The following NR3C1 variants were observed in gnomAD, a reference collection of about 807,000 sequenced individuals.
NR3C1 encodes nuclear receptor subfamily 3 group C member 1.
Under a neutral mutation model 74.0 loss-of-function variants are expected in NR3C1, and 14 were observed. The ratio of observed to expected loss-of-function variants is 0.19; its 90% confidence interval spans 0.12 to 0.30. The LOEUF (loss-of-function observed/expected upper bound fraction) is 0.30. Ranked by LOEUF, NR3C1 falls within the 10% of genes least tolerant of loss-of-function variation. The probability of loss-of-function intolerance (pLI) is 1.00; values close to 1 mark genes in which losing one functional copy is unlikely to be tolerated. For missense variants in NR3C1, 695 were observed against 909.8 expected, an observed-to-expected ratio of 0.76 and a Z score of 3.04; for synonymous variants, 308 against 332.5, an observed-to-expected ratio of 0.93 and a Z score of 0.80.
intron 2 of NR3C1, among the ~76,000 whole-genome samples, chr5:143,365,208 T>G (rs1414869835): frequency 6.6e-6 from 1 of 152,158 alleles, no homozygotes; most frequent in Non-Finnish European, 1.5e-5. Flanking sequence ...AGAAGTAATC[T>G]TCCTCATCAA....
At chr5:143,354,464 T>C (rs1174833502) in intron 2 of NR3C1, among the ~76,000 whole-genome samples, 1 of 152,128 alleles carries the variant, frequency 6.6e-6, no homozygotes, top group Non-Finnish European at 1.5e-5. Context: ...GAGGCCACTG[T>C]AGGGTTATTA....
intron 1 of NR3C1, among the ~76,000 whole-genome samples, chr5:143,421,999 T>C (rs72802809): frequency 0.18 from 27,055 of 152,018 alleles, 2,618 homozygotes; most frequent in Middle Eastern, 0.35. Flanking sequence ...GTGGCTGAAG[T>C]GGTGTTCACT....
chr5:143,394,929 C>A (rs1379099058), intron 2 of NR3C1, among the ~76,000 whole-genome samples: 1 of 151,932 alleles, frequency 6.6e-6, no homozygotes, highest in Non-Finnish European at 1.5e-5. Flanking sequence ...TCACCCTCCA[C>A]CCCCAATTAA....
intron 2 of NR3C1, among the ~76,000 whole-genome samples, chr5:143,368,754 G>T (rs1304732968): frequency 6.6e-6 from 1 of 152,128 alleles, no homozygotes; most frequent in African/African-American, 2.4e-5. Flanking sequence ...TGGTGTCTTA[G>T]TCTGTGTTCT....
Position 143,328,447 on chromosome 5 carries a change from T to C in NR3C1, c.1185-14279A>G, listed in dbSNP as rs372771280. Among the ~76,000 whole-genome samples the C allele has an allele frequency of 2.6e-5, 4 of 152,240 alleles. No individual in the cohort carries two copies. The South Asian group carries it at 8.3e-4, about 31-fold the overall frequency. ...CTTGTTACTTATTACTTATTACTTT[T>C]TACTTATTATTACTTATTACTCCTT... On this transcript the variant is annotated intron_variant, in intron 2 of 8. Transcript: ENST00000394464.
Position 143,295,407 on chromosome 5 carries a change from T to C in NR3C1, c.2023+53A>G, listed in dbSNP as rs1483456031. ...ATGTATATAAATTAACCTTTGTTTC[T>C]AGGCCTTCATATTTCATGCTTTTGA... is the stretch of plus-strand genomic sequence containing the variant. On this transcript the variant is annotated intron_variant, in intron 7 of 8. Coordinates refer to ENST00000394464, the MANE Select transcript of NR3C1 (RefSeq NM_000176.3). 1.9e-6 allele frequency: 3 copies of C among 1,603,712 alleles called. No individual in the cohort carries two copies. In the South Asian group the frequency reaches 3.3e-5, roughly 18 times the overall value.
chr5:143,382,707 G>A lies in NR3C1; in HGVS notation c.1184+16949C>T, dbSNP rs189616109. On this transcript the variant is annotated intron_variant, in intron 2 of 8. Coordinates refer to ENST00000394464, the MANE Select transcript of NR3C1 (RefSeq NM_000176.3). ...AATACTGGACCTAGTTTCCTCATAT[G>A]AAGTGAGATCTGGATATCAAAACTA... Among the ~76,000 whole-genome samples, 32 of 152,338 alleles carry A rather than the reference G, an allele frequency of 2.1e-4. No homozygotes were observed. The East Asian group carries it at 6.0e-3, about 28-fold the overall frequency.
intron 7 of NR3C1, among the ~76,000 whole-genome samples, chr5:143,282,977 C>T (rs901257342): frequency 1.3e-5 from 2 of 151,936 alleles, no homozygotes; most frequent in East Asian, 3.9e-4. Flanking sequence ...GCCTTGACCT[C>T]CTTGGCTCAA....
At chr5:143,389,565 A>G (rs1837875876) in intron 2 of NR3C1, among the ~76,000 whole-genome samples, 1 of 152,166 alleles carries the variant, frequency 6.6e-6, no homozygotes, top group Non-Finnish European at 1.5e-5. Context: ...TCTTGTTTAA[A>G]CATGTCTGTG....
intron 1 of NR3C1, chr5:143,402,844 G>C (rs2151947086): frequency 1.0e-5 from 10 of 984,802 alleles, no homozygotes; most frequent in Non-Finnish European, 1.2e-5. Flanking sequence ...CCACGAAAAC[G>C]GGTGTCGGGC....
At chr5:143,430,392 A>T (rs1419130636) in intron 1 of NR3C1, among the ~76,000 whole-genome samples, 1 of 152,184 alleles carries the variant, frequency 6.6e-6, no homozygotes, top group Non-Finnish European at 1.5e-5. Flanking sequence ...ATTTTTCTGT[A>T]CTTTTTTACT....
chr5:143,369,466 G>A (rs1561691518), intron 2 of NR3C1, among the ~76,000 whole-genome samples: 1 of 152,120 alleles, frequency 6.6e-6, no homozygotes, highest in Non-Finnish European at 1.5e-5. Flanking sequence ...GCTAAGGAGT[G>A]GATAGACAAA....
chr5:143,422,621 G>A (rs1751295037), intron 1 of NR3C1, among the ~76,000 whole-genome samples: 1 of 152,142 alleles, frequency 6.6e-6, no homozygotes, highest in Non-Finnish European at 1.5e-5. Context: ...CACCATGTGA[G>A]GACAAAGCAA....
intron 2 of NR3C1, among the ~76,000 whole-genome samples, chr5:143,320,107 G>C (rs1047081050): frequency 6.6e-6 from 1 of 152,102 alleles, no homozygotes; most frequent in African/African-American, 2.4e-5. Context: ...GCACACACCA[G>C]GTGATTATAT....
chr5:143,307,724 A>G (rs1471741005), intron 4 of NR3C1, among the ~76,000 whole-genome samples: 27 of 152,246 alleles, frequency 1.8e-4, no homozygotes. Flanking sequence ...AAAGGGCACT[A>G]AAAACTCAAG....
intron 1 of NR3C1, among the ~76,000 whole-genome samples, chr5:143,425,030 A>G (rs888252879): frequency 2.0e-5 from 3 of 152,216 alleles, no homozygotes; most frequent in Admixed American, 6.5e-5. Flanking sequence ...ACAGTGTAGT[A>G]CTGGCATGAG....
Position 143,279,225 on chromosome 5 carries a change from C to A in NR3C1, c.*2664G>T. On this transcript the variant is annotated 3_prime_UTR_variant, in exon 9 of 9. Transcript: ENST00000394464. ...CCCCACGTATCCTAAAAGGGCACAG[C>A]TTCTTTTCCCATTTAATGAAAAGCC... is the stretch of plus-strand genomic sequence containing the variant. 2 of 952,712 alleles carry A rather than the reference C, an allele frequency of 2.1e-6. No homozygotes were observed. The highest frequency in any genetic ancestry group is 3.0e-6 in the Non-Finnish European group (2 of 658,386). 59.0% of individuals were successfully genotyped at this position (952,712 alleles called of 1,614,324 possible). A position where few individuals can be genotyped will look rare whatever the true frequency, so the allele number is the denominator to read the frequency against.
intron 2 of NR3C1, among the ~76,000 whole-genome samples, chr5:143,334,392 A>C (rs1440308594): frequency 5.3e-5 from 8 of 152,268 alleles, no homozygotes; most frequent in Admixed American, 3.3e-4. Flanking sequence ...AAAAAAAAGA[A>C]AAGACAGTAG....
intron 2 of NR3C1, among the ~76,000 whole-genome samples, chr5:143,340,448 G>T (rs1827965685): frequency 6.6e-6 from 1 of 151,372 alleles, no homozygotes. Flanking sequence ...TGCCTTCTGG[G>T]GAAGGGTTAG....
Sources: gnomAD v4.1 joint callset for allele counts (sites outside exome capture counted in the v4.1 genomes callset) on GRCh38, gnomAD v4.1.1 for gene constraint, MANE v1.5 for transcripts, NCBI Gene and HGNC (gene_info 2026-07-23, HGNC 2026-07-21) for gene names.